The following PHACTR2 variants were observed in gnomAD, a reference collection of about 807,000 sequenced individuals.
PHACTR2 encodes the protein phosphatase and actin regulator 2.
A neutral mutation model predicts 76.0 loss-of-function variants in PHACTR2; 30 were observed. That is an observed-to-expected ratio of 0.39 (90% CI 0.30 to 0.54). The LOEUF (loss-of-function observed/expected upper bound fraction) is 0.54. Among genes scored for constraint, PHACTR2 ranks in the 20% least tolerant of loss-of-function variants. PHACTR2 has a pLI of 0.61. For missense variants in PHACTR2, 696 were observed against 781.1 expected, an observed-to-expected ratio of 0.89 and a Z score of 1.30; for synonymous variants, 292 against 292.5, an observed-to-expected ratio of 1.00 and a Z score of 0.02.
chr6:143,575,334 A>G (rs1291181322), intron 1 of PHACTR2, among the ~76,000 whole-genome samples: 1 of 152,218 alleles, frequency 6.6e-6, no homozygotes, highest in Non-Finnish European at 1.5e-5. Context: ...CGTTTTACAT[A>G]ATTTGTGTAC....
rs1182057580 is a variant in PHACTR2 at position 143,625,687 on chromosome 6, G to T, written c.13+17365G>T. 1.3e-5 allele frequency among the ~76,000 whole-genome samples: 2 copies of T among 152,192 alleles called. No individual in the cohort carries two copies. Among genetic ancestry groups the T allele is most frequent in the African/African-American group, 2.4e-5 (1 of 41,432 alleles). ...ATTTTAGAATATAATTTAGTTGAAA[G>T]ACATATTTAGCAAATATGAATTGAG... On this transcript the variant is annotated intron_variant, in intron 1 of 11. Coordinates refer to the PHACTR2 transcript ENST00000305766. This position sits in a 1 kb window ranked among gnomAD's most constrained non-coding sequence, Gnocchi z 4.3.
chr6:143,573,576 CTTTT>C (rs112507286), intron 1 of PHACTR2, among the ~76,000 whole-genome samples: 92,412 of 149,922 alleles, frequency 0.62, 28,594 homozygotes, highest in Middle Eastern at 0.72. Flanking sequence ...TCTTTCCCTC[CTTTT>C]TTTTTTTTTC....
rs899542152 is a variant in PHACTR2 at position 143,789,301 on chromosome 6, A to T, written c.1845+391A>T. ...TAATAGAAATGACAAGACAGCAAAT[A>T]GTTTAGGCTATGTGGGCCATACAAT... is the stretch of plus-strand genomic sequence containing the variant. On this transcript the variant is annotated intron_variant, in intron 11 of 12. Transcript: ENST00000440869. The surrounding 1 kb of genome is among the most constrained non-coding windows in gnomAD (Gnocchi z 5.1). 1.2e-5 allele frequency: 2 copies of T among 163,784 alleles called. No homozygotes were observed. Among genetic ancestry groups the T allele is most frequent in the Non-Finnish European group, 2.7e-5 (2 of 74,050 alleles). The allele number at this position is 163,784 out of a possible 1,614,324, so 10.1% of individuals were successfully genotyped here. A position where few individuals can be genotyped will look rare whatever the true frequency, so the allele number is the denominator to read the frequency against.
In PHACTR2 at chr6:143,772,733, A is replaced by G. The variant is rs1452962251; in HGVS notation, c.1432+276A>G. On this transcript the variant is annotated intron_variant, in intron 7 of 12. Transcript: ENST00000440869. The surrounding 1 kb of genome is among the most constrained non-coding windows in gnomAD (Gnocchi z 5.4). ...CATATTAGTATTTGTGCTGAGAATC[A>G]AAGCTTTCTAATAACAGAGACCTTT... is the stretch of plus-strand genomic sequence containing the variant. Among the ~76,000 whole-genome samples the G allele has an allele frequency of 6.6e-6, 1 of 152,224 alleles. No individual in the cohort carries two copies. Among genetic ancestry groups the G allele is most frequent in the Admixed American group, 6.5e-5 (1 of 15,278 alleles).
chr6:143,804,026 T>C (rs1203480832), intron 11 of PHACTR2, among the ~76,000 whole-genome samples: 1 of 152,184 alleles, frequency 6.6e-6, no homozygotes, highest in Non-Finnish European at 1.5e-5. Context: ...CTTGGAATAG[T>C]TTTCAGGTTA....
chr6:143,679,649 A>T lies in PHACTR2; in HGVS notation c.46+1440A>T, dbSNP rs1023029673. Among the ~76,000 whole-genome samples the T allele has an allele frequency of 6.6e-6, 1 of 152,180 alleles. No individual in the cohort carries two copies. Among genetic ancestry groups the T allele is most frequent in the African/African-American group, 2.4e-5 (1 of 41,440 alleles). On this transcript the variant is annotated intron_variant, in intron 1 of 12. Transcript: ENST00000440869. This position sits in a 1 kb window ranked among gnomAD's most constrained non-coding sequence, Gnocchi z 4.6. ...TTTAGTGATTTTATCACAAAATATTACTCGAGTGAATATTAGAAAAGCAAA... is the reference window on the plus strand; with the variant it reads ...TTTAGTGATTTTATCACAAAATATTTCTCGAGTGAATATTAGAAAAGCAAA...
Position 143,712,194 on chromosome 6 carries a change from C to T in PHACTR2, c.214+11C>T. ...GAGAAACCTCGGCAGGTATGAGTATCATAACTTGTTAGAAGATGGGATAAA... is the reference window on the plus strand; with the variant it reads ...GAGAAACCTCGGCAGGTATGAGTATTATAACTTGTTAGAAGATGGGATAAA... On this transcript the variant is annotated intron_variant, in intron 2 of 12. Transcript: ENST00000440869. The T allele has an allele frequency of 7.0e-7, 1 of 1,428,256 alleles. No individual in the cohort carries two copies. The highest frequency in any genetic ancestry group is 1.5e-5 in the African/African-American group (1 of 68,794). The allele number at this position is 1,428,256 out of a possible 1,614,324, so 88.5% of individuals were successfully genotyped here. A position where few individuals can be genotyped will look rare whatever the true frequency, so the allele number is the denominator to read the frequency against.
chr6:143,658,744 G>T lies in PHACTR2; in HGVS notation c.13+50422G>T, dbSNP rs1422837925. Among the ~76,000 whole-genome samples, 5 of 152,060 alleles carry T rather than the reference G, an allele frequency of 3.3e-5. No individual in the cohort carries two copies. The highest frequency in any genetic ancestry group is 1.2e-4 in the African/African-American group (5 of 41,400). The stretch of plus-strand genomic sequence containing the variant: ...TAAAAAACAAACAAACAAAAAATGG[G>T]GTTGGGCACAGTGACTCTGCCTGTA... On this transcript the variant is annotated intron_variant, in intron 1 of 11. Transcript: ENST00000305766. The surrounding 1 kb of genome is among the most constrained non-coding windows in gnomAD (Gnocchi z 4.1).
At chr6:143,628,595 C>T (rs1341881621) in intron 1 of PHACTR2, among the ~76,000 whole-genome samples, 2 of 152,072 alleles carry the variant, frequency 1.3e-5, no homozygotes, top group Non-Finnish European at 2.9e-5. Context: ...CTTATAAGGA[C>T]CCTTGTGATT....
rs1231410527 is a variant in PHACTR2, at chr6:143,646,327, C to T, written c.13+38005C>T. On this transcript the variant is annotated intron_variant, in intron 1 of 11. Coordinates refer to the PHACTR2 transcript ENST00000305766. The surrounding 1 kb of genome is among the most constrained non-coding windows in gnomAD (Gnocchi z 4.1). ...CCCACTTTAAAACTCCTAAATAGAA[C>T]AAGCATTTATCTAACCTTAATATCA... Among the ~76,000 whole-genome samples the T allele has an allele frequency of 1.3e-5, 2 of 152,096 alleles. No individual in the cohort carries two copies. Among genetic ancestry groups the T allele is most frequent in the Non-Finnish European group, 2.9e-5 (2 of 67,990 alleles).
intron 1 of PHACTR2, among the ~76,000 whole-genome samples, chr6:143,576,293 G>A (rs570179696): frequency 1.3e-5 from 2 of 152,280 alleles, no homozygotes; most frequent in East Asian, 1.9e-4. Context: ...GCTTTGGAAG[G>A]TCTCTCTTCT....
chr6:143,783,310 A>G lies in PHACTR2; in HGVS notation c.1707+30A>G, dbSNP rs146955003. 5.0e-6 allele frequency: 7 copies of G among 1,386,380 alleles called. No individual in the cohort carries two copies. In the East Asian group the frequency reaches 1.4e-4, roughly 27 times the overall value. 85.9% of individuals were successfully genotyped at this position (1,386,380 alleles called of 1,614,324 possible). On this transcript the variant is annotated intron_variant, in intron 10 of 12. Transcript: ENST00000440869. The surrounding 1 kb of genome is among the most constrained non-coding windows in gnomAD (Gnocchi z 5.2). The stretch of plus-strand genomic sequence containing the variant: ...TGAAATCATAACTATTAATGAGCAT[A>G]TGTGTTTTGAGATATACTTTTAAAA...
rs994917143 is a variant in PHACTR2 at position 143,610,562 on chromosome 6, A to G, written c.13+2240A>G. Among the ~76,000 whole-genome samples the G allele has an allele frequency of 6.6e-6, 1 of 152,178 alleles. No homozygotes were observed. The highest frequency in any genetic ancestry group is 2.1e-4 in the South Asian group (1 of 4,826). On this transcript the variant is annotated intron_variant, in intron 1 of 11. Transcript: ENST00000305766. The surrounding 1 kb of genome is among the most constrained non-coding windows in gnomAD (Gnocchi z 4.9). ...ACAGCAATGGGTCCACACAGGTTGA[A>G]TGTCCCTCATTTATTCAAGTCACAT...
At chr6:143,673,450 G>T (rs1373975156), upstream of PHACTR2, among the ~76,000 whole-genome samples, 1 of 151,906 alleles carries the variant, frequency 6.6e-6, no homozygotes, top group Non-Finnish European at 1.5e-5. Flanking sequence ...TAGTTTCTAG[G>T]GATGGATGTG....
chr6:143,610,276 G>T lies in PHACTR2; in HGVS notation c.13+1954G>T, dbSNP rs1023297238. ...AAGGGAAGCATTTAAGATAAAACTGGTAAGTGGCAAAAAAAAAAATCTGAA... is the reference window on the plus strand; with the variant it reads ...AAGGGAAGCATTTAAGATAAAACTGTTAAGTGGCAAAAAAAAAAATCTGAA... On this transcript the variant is annotated intron_variant, in intron 1 of 11. Coordinates refer to the PHACTR2 transcript ENST00000305766. This position sits in a 1 kb window ranked among gnomAD's most constrained non-coding sequence, Gnocchi z 4.9. 7.2e-6 allele frequency among the ~76,000 whole-genome samples: 1 copy of T among 138,936 alleles called. No individual in the cohort carries two copies. The highest frequency in any genetic ancestry group is 2.3e-4 in the South Asian group (1 of 4,376). The allele number at this position is 138,936 out of a possible 152,430, so 91.1% of individuals were successfully genotyped here.
rs934577601 is a variant in PHACTR2 at position 143,578,483 on chromosome 6, T to G, written c.217+41276T>G. On this transcript the variant is annotated intron_variant, in intron 1 of 11. Transcript: ENST00000367584. This position sits in a 1 kb window ranked among gnomAD's most constrained non-coding sequence, Gnocchi z 4.5. ...GTTCACTGCTCAAGAGCATTGACTG[T>G]GGGGAAGAATGGGGCCGAAATGCAG... is the stretch of plus-strand genomic sequence containing the variant. 2.0e-5 allele frequency among the ~76,000 whole-genome samples: 3 copies of G among 152,064 alleles called. No homozygotes were observed. Among genetic ancestry groups the G allele is most frequent in the African/African-American group, 7.2e-5 (3 of 41,382 alleles).
At position 143,680,860 on chromosome 6, in the gene PHACTR2, G is replaced by A. The variant is rs1478174272; in HGVS notation, c.46+2651G>A. On this transcript the variant is annotated intron_variant, in intron 1 of 12. Transcript: ENST00000440869. This position sits in a 1 kb window ranked among gnomAD's most constrained non-coding sequence, Gnocchi z 4.5. ...CATTTCATGTCAATGGAATCATAAT[G>A]TGTCATTTTGTGACTGGCTTCTTTC... is the stretch of plus-strand genomic sequence containing the variant. Among the ~76,000 whole-genome samples the A allele has an allele frequency of 1.3e-5, 2 of 152,072 alleles. No homozygotes were observed. Among genetic ancestry groups the A allele is most frequent in the Admixed American group, 6.5e-5 (1 of 15,274 alleles).
rs1297302187 is a variant in PHACTR2, at chr6:143,672,221, G to A, written c.14-39795G>A. 6.6e-6 allele frequency among the ~76,000 whole-genome samples: 1 copy of A among 151,848 alleles called. No individual in the cohort carries two copies. The highest frequency in any genetic ancestry group is 2.4e-5 in the African/African-American group (1 of 41,290). The stretch of plus-strand genomic sequence containing the variant: ...TTTGCTTTAAATGGGTACATTTTAG[G>A]GTCCATAACTTATTCTTCAAAAAGC... On this transcript the variant is annotated intron_variant, in intron 1 of 11. Transcript: ENST00000305766. The surrounding 1 kb of genome is among the most constrained non-coding windows in gnomAD (Gnocchi z 5.8).
chr6:143,642,482 G>C (rs1776583697), intron 1 of PHACTR2, among the ~76,000 whole-genome samples: 1 of 152,184 alleles, frequency 6.6e-6, no homozygotes, highest in Admixed American at 6.5e-5. Flanking sequence ...AGTGGTTTGG[G>C]CATGGCTTGT....
Sources: gnomAD v4.1 joint callset for allele counts (sites outside exome capture counted in the v4.1 genomes callset) on GRCh38, gnomAD v4.1.1 for gene constraint, Gnocchi (gnomAD v3.1) non-coding constraint, MANE v1.5 for transcripts, NCBI Gene and HGNC (gene_info 2026-07-23, HGNC 2026-07-21) for gene names.